COL3A1: variants seen among roughly 807,000 people sequenced by gnomAD.
The protein encoded by COL3A1 is collagen type III alpha 1 chain.
COL3A1 carries 46 observed loss-of-function variants against 200.9 expected under a neutral mutation model. The observed-to-expected ratio is 0.23, with a 90% CI of 0.18 to 0.29. COL3A1 has a LOEUF of 0.29. COL3A1 is among the 10% of genes least tolerant of loss of function. The pLI, the probability that COL3A1 is intolerant of heterozygous loss-of-function variation, is 1.00. For synonymous variants in COL3A1, 650 were observed against 628.0 expected, an observed-to-expected ratio of 1.03 and a Z score of -0.52; for missense variants, 1,367 against 1,917.6, an observed-to-expected ratio of 0.71 and a Z score of 5.36.
chr2:188,986,904 C>T (rs989080459), intron 4 of COL3A1, among the ~76,000 whole-genome samples, 155 bp from the exon 5 acceptor site: 1 of 152,002 alleles, frequency 6.6e-6, no homozygotes, highest in Non-Finnish European at 1.5e-5. Flanking sequence ...CAGAAAGACA[C>T]GATAAACAAG....
At chr2:189,010,114 C>A (rs1478051908) in intron 48 of COL3A1, 64 bp from the exon 49 acceptor site, 7 of 1,527,902 alleles carry the variant, frequency 4.6e-6, no homozygotes, top group Non-Finnish European at 6.3e-6. Flanking sequence ...TACAGGTAAA[C>A]AAACAAAATC....
At chr2:188,987,935 A>T (rs929911184) in intron 5 of COL3A1, 146 bp from the exon 6 acceptor site, 42 of 677,832 alleles carry the variant, frequency 6.2e-5, no homozygotes, top group Non-Finnish European at 1.1e-4. Flanking sequence ...TTCATTATAG[A>T]TCTCATGAAT....
At chr2:189,004,218 T>A in intron 39 of COL3A1, 39 bp from the exon 40 acceptor site, 1 of 1,603,350 alleles carries the variant, frequency 6.2e-7, no homozygotes, top group South Asian at 1.1e-5. Context: ...AAAAACACTG[T>A]CACATAAAGA....
rs1036731520 is a variant in COL3A1 at position 188,995,842 on chromosome 2, C to G, written c.1608+52C>G. ...CACTTTAATTTAGACAGAAGAAAGG[C>G]AAGACAAATGAAGACAGATCAAAAG... is the stretch of plus-strand genomic sequence containing the variant. On this transcript the variant is annotated intron_variant, in intron 22 of 50. Transcript: ENST00000304636. 2.0e-5 allele frequency: 28 copies of G among 1,416,826 alleles called. No individual in the cohort carries two copies. In the African/African-American group the frequency reaches 3.8e-4, roughly 19 times the overall value. 87.8% of individuals were successfully genotyped at this position (1,416,826 alleles called of 1,614,324 possible).
rs1456260291 is a variant in COL3A1 at position 189,009,293 on chromosome 2, G to A, written c.3823+72G>A. ...AAGCTGCTTAGATTAGAATGGGAAC[G>A]AAAAAACATCTACTTTCAATGGAAA... On this transcript the variant is annotated intron_variant, in intron 48 of 50. Coordinates refer to ENST00000304636, the MANE Select transcript of COL3A1 (RefSeq NM_000090.4). 6.9e-5 allele frequency: 106 copies of A among 1,543,428 alleles called. 1 individual carries two copies. The highest frequency in any genetic ancestry group is 8.5e-5 in the Non-Finnish European group (96 of 1,125,884).
Position 189,005,520 on chromosome 2 carries a change from A to C in COL3A1, c.3039+63A>C, listed in dbSNP as rs7583195. 98,790 of 1,376,366 alleles carry C rather than the reference A, an allele frequency of 0.072. 4,138 individuals carry two copies. The highest frequency in any genetic ancestry group is 0.16 in the African/African-American group (11,219 of 70,272). 85.3% of individuals were successfully genotyped at this position (1,376,366 alleles called of 1,614,324 possible). On this transcript the variant is annotated intron_variant, in intron 41 of 50. Transcript: ENST00000304636. ...TTGATAATTTATTTCAGCAAAGGTG[A>C]AATTGAGCTTTAATGTCTAAGAGTG...
chr2:188,981,754 A>G (rs1197433603), intron 1 of COL3A1, among the ~76,000 whole-genome samples: 1 of 151,614 alleles, frequency 6.6e-6, no homozygotes, highest in African/African-American at 2.4e-5. Context: ...ATTTTCGCAC[A>G]TATTACTAGG....
At chr2:188,989,707 T>G (rs1229871216) in intron 8 of COL3A1, among the ~76,000 whole-genome samples, 1 of 152,166 alleles carries the variant, frequency 6.6e-6, no homozygotes, top group Non-Finnish European at 1.5e-5. Context: ...TTGAATATAT[T>G]ATTTAACTGG....
chr2:188,987,000 T>A, intron 4 of COL3A1, 59 bp from the exon 5 acceptor site: 1 of 1,499,134 alleles, frequency 6.7e-7, no homozygotes. Flanking sequence ...TAAATGCTTT[T>A]TAAAAGAATT....
intron 1 of COL3A1, chr2:188,978,083 A>G (rs1389785257): frequency 4.8e-6 from 2 of 415,130 alleles, no homozygotes; most frequent in African/African-American, 4.5e-5. Flanking sequence ...TGGATTTTCA[A>G]AACTACCTAT....
chr2:189,011,585 A>C, intron 50 of COL3A1, 43 bp from the exon 51 acceptor site: 1 of 1,612,032 alleles, frequency 6.2e-7, no homozygotes, highest in Non-Finnish European at 8.5e-7. Context: ...TTGTCTAAGT[A>C]ATTGTAATGT....
Position 189,007,485 on chromosome 2 carries a change from A to G in COL3A1, c.3256-15A>G. Reference sequence around the variant, plus strand: ...ATGTGTGTATATGACTTCAATTCAAAATATGTTTCTAAAGGGTCCTCAAGG... The same window carrying G: ...ATGTGTGTATATGACTTCAATTCAAGATATGTTTCTAAAGGGTCCTCAAGG... On this transcript the variant is annotated splice_polypyrimidine_tract_variant and intron_variant, in intron 44 of 50. Transcript: ENST00000304636. 1.2e-6 allele frequency: 2 copies of G among 1,602,920 alleles called. No homozygotes were observed. Among genetic ancestry groups the G allele is most frequent in the Non-Finnish European group, 1.7e-6 (2 of 1,172,402 alleles).
At position 188,999,281 on chromosome 2, in the gene COL3A1, A is replaced by T. The variant is rs749995320; in HGVS notation, c.2023-4A>T. 3 of 1,565,114 alleles carry T rather than the reference A, an allele frequency of 1.9e-6. No homozygotes were observed. The South Asian group carries it at 3.5e-5, about 18-fold the overall frequency. ...ATATGGTTATTTACATATTTTTGTC[A>T]CAGGGTGATGCTGGTGCCCCTGGTG... On this transcript the variant is annotated splice_region_variant and splice_polypyrimidine_tract_variant and intron_variant, in intron 29 of 50. Coordinates refer to ENST00000304636, the MANE Select transcript of COL3A1 (RefSeq NM_000090.4).
In COL3A1 at chr2:188,974,544, A is replaced by G. The variant is rs1300339107; in HGVS notation, c.55A>G (p.Thr19Ala). The G allele has an allele frequency of 5.0e-6, 8 of 1,613,898 alleles. No homozygotes were observed. Among genetic ancestry groups the G allele is most frequent in the African/African-American group, 1.3e-5 (1 of 74,884 alleles). Residue 19 changes from threonine to alanine, a missense_variant, in exon 1 of 51, where the codon ACT (threonine) becomes GCT (alanine). Physicochemically the swap from Thr to Ala is moderately conservative, Grantham distance 58. Transcript: ENST00000304636. Reference protein sequence around the residue: ...SWLLLALLHPTIILAQQEAVE... With the variant: ...SWLLLALLHPAIILAQQEAVE... ...GCTACTTCTCGCTCTGCTTCATCCC[A>G]CTATTATTTTGGCACAACAGGAAGG... is the stretch of plus-strand genomic sequence containing the variant.
At chr2:188,996,551 T>G (rs1412690114) in intron 24 of COL3A1, 55 bp downstream of exon 24, 1 of 1,438,032 alleles carries the variant, frequency 7.0e-7, no homozygotes, top group East Asian at 2.3e-5. Context: ...GCTTTTATTT[T>G]CCATATGGAG....
intron 47 of COL3A1, 73 bp downstream of exon 47, chr2:189,008,215 T>C: frequency 3.8e-6 from 5 of 1,310,236 alleles, no homozygotes; most frequent in South Asian, 1.3e-5. Context: ...CAGCGCATTA[T>C]GTTTAAATTG....
chr2:189,007,885 G>A lies in COL3A1; in HGVS notation c.3364G>A (p.Gly1122Ser). 6.2e-7 allele frequency: 1 copy of A among 1,613,916 alleles called. No homozygotes were observed. Among genetic ancestry groups the A allele is most frequent in the South Asian group, 1.1e-5 (1 of 91,072 alleles). The stretch of plus-strand genomic sequence containing the variant: ...CTATGTACACTTCCTTTCTTTCCAG[G>A]GCCCTGCTGGTCAGCAGGGTGCAAT... Reference protein sequence around the residue: ...PGNPGAPGSPGPAGQQGAIGS... With the variant: ...PGNPGAPGSPSPAGQQGAIGS... The change falls in exon 46 of 51, where the codon GGC (glycine) becomes AGC (serine). Residue 1122 changes from glycine (G) to serine (S), a missense_variant and splice_region_variant. By Grantham distance (56) the Gly-to-Ser change is moderately conservative (BLOSUM62 0). Transcript: ENST00000304636.
In COL3A1 at chr2:188,997,223, G is replaced by A. The variant is rs146652498; in HGVS notation, c.1815+5G>A. ...CCTGGAGGACCTGGCCCTCAGGTACGTAGCTTTCCTCAATTTATTTCTAGC... is the reference window on the plus strand; with the variant it reads ...CCTGGAGGACCTGGCCCTCAGGTACATAGCTTTCCTCAATTTATTTCTAGC... On this transcript the variant is annotated splice_donor_5th_base_variant and intron_variant, in intron 25 of 50. Transcript: ENST00000304636. 2.5e-4 allele frequency: 405 copies of A among 1,614,000 alleles called. 1 individual carries two copies. The East Asian group carries it at 5.8e-3, about 23-fold the overall frequency.
At position 188,985,723 on chromosome 2, in the gene COL3A1, C is replaced by T. The variant is rs267599119; in HGVS notation, c.392C>T (p.Ser131Phe). The T allele has an allele frequency of 4.3e-6, 7 of 1,611,572 alleles. No individual in the cohort carries two copies. Among genetic ancestry groups the T allele is most frequent in the Non-Finnish European group, 5.1e-6 (6 of 1,178,840 alleles). Residue 131 changes from serine to phenylalanine, a missense_variant, in exon 4 of 51, where the codon TCC becomes TTC. Ser to Phe is a radical substitution (Grantham distance 155, BLOSUM62 -2). Around this residue, in one of 5 missense-constraint regions of COL3A1, gnomAD observed 462 missense variants for 681.4 expected, o/e 0.68. Transcript: ENST00000304636. ...GDPGIPGQPG[S>F]PGSPGPPGIC... ...CCTGGTATTCCAGGACAACCAGGGT[C>T]CCCTGGTTCTCCTGGCCCCCCTGGA...
Sources: allele counts gnomAD v4.1 joint callset (sites outside exome capture counted in the v4.1 genomes callset), GRCh38; gene constraint gnomAD v4.1.1; regional missense constraint gnomAD v4.1.1; transcripts MANE v1.5; gene names NCBI Gene and HGNC (gene_info 2026-07-23, HGNC 2026-07-21).